RBBP8: variants seen among roughly 807,000 people sequenced by gnomAD.
RBBP8 encodes RB binding protein 8, endonuclease.
In RBBP8, 88 loss-of-function variants were observed where a neutral mutation model predicts 108.3. That is an observed-to-expected ratio of 0.81 (90% CI 0.68 to 0.97). The LOEUF (loss-of-function observed/expected upper bound fraction) is 0.97, where lower values mean the gene tolerates loss of function less well. Ranked by LOEUF, RBBP8 falls within the 50% of genes least tolerant of loss-of-function variation. RBBP8 has a pLI of 0.00. For missense variants in RBBP8, 1,023 were observed against 1,049.0 expected (o/e 0.98, Z 0.34); for synonymous variants, 332 against 348.2 (o/e 0.95, Z 0.52).
chr18:22,965,582 G>T (rs1005760454), intron 4 of RBBP8, among the ~76,000 whole-genome samples: 1 of 152,088 alleles, frequency 6.6e-6, no homozygotes, highest in Admixed American at 6.6e-5. Context: ...TTTCATTATT[G>T]TACTCCTACT....
chr18:22,933,123 G>C (rs914804666), upstream of RBBP8, among the ~76,000 whole-genome samples: 1 of 152,228 alleles, frequency 6.6e-6, no homozygotes, highest in South Asian at 2.1e-4. Flanking sequence ...AGAACGGCTT[G>C]AGCTTTCCCC....
rs1449845610 is a variant in RBBP8, at chr18:22,993,833, T to C, written c.1925T>C (p.Leu642Pro). ...TGTAGAACTGGTAAAATAAAGTCTCTACAAAACAACCAAGGTGTGTACACC... is the reference window on the plus strand; with the variant it reads ...TGTAGAACTGGTAAAATAAAGTCTCCACAAAACAACCAAGGTGTGTACACC... The part of the protein sequence containing the change: ...NPCRTGKIKS[L>P]QNNQDVSFEN... The change falls in exon 12 of 19, where the codon CTA (leucine) becomes CCA (proline). Residue 642 changes from leucine to proline, a missense_variant. Leu to Pro is a moderately conservative substitution (Grantham distance 98, BLOSUM62 -3). Transcript: ENST00000327155. 1 of 1,613,362 alleles carries C rather than the reference T, an allele frequency of 6.2e-7. No individual in the cohort carries two copies. The highest frequency in any genetic ancestry group is 1.7e-5 in the Admixed American group (1 of 60,016).
chr18:22,995,799 T>C (rs2045846488), intron 12 of RBBP8, among the ~76,000 whole-genome samples: 1 of 152,246 alleles, frequency 6.6e-6, no homozygotes, highest in South Asian at 2.1e-4. Context: ...ATTTATTAGC[T>C]GACATTCAAG....
At position 22,975,187 on chromosome 18, in the gene RBBP8, A is replaced by G; in HGVS notation, c.396A>G (p.Lys132=). 6.2e-7 allele frequency: 1 copy of G among 1,612,794 alleles called. No homozygotes were observed. Among genetic ancestry groups the G allele is most frequent in the Non-Finnish European group, 8.5e-7 (1 of 1,179,362 alleles). The change falls in exon 6 of 19, where the codon AAA becomes AAG. Residue 132 remains lysine, a synonymous_variant. Transcript: ENST00000327155. ...GGAATACTCTACAGGAAGAAAATAA[A>G]AAGCTTTCTGAACAACTCCAGCAGA... ...NERNTLQEEN[K]KLSEQLQQKI...
chr18:22,924,185 G>A (rs894424932), intron 3 of RBBP8, among the ~76,000 whole-genome samples: 3 of 137,528 alleles, frequency 2.2e-5, no homozygotes, highest in African/African-American at 8.5e-5. Context: ...CTGGAGTGCA[G>A]TGGTGCAATC....
chr18:22,947,392 T>G (rs761572930), intron 3 of RBBP8, among the ~76,000 whole-genome samples: 1 of 151,840 alleles, frequency 6.6e-6, no homozygotes, highest in Non-Finnish European at 1.5e-5. Flanking sequence ...TATATGACAT[T>G]TGATTTAAAA....
At chr18:22,941,791 T>G (rs1343522590) in intron 2 of RBBP8, among the ~76,000 whole-genome samples, 1 of 152,062 alleles carries the variant, frequency 6.6e-6, no homozygotes, top group African/African-American at 2.4e-5. Context: ...TATGATAAGG[T>G]CCATGTGTTT....
intron 9 of RBBP8, among the ~76,000 whole-genome samples, chr18:22,990,603 A>G (rs1025889668): frequency 2.1e-4 from 32 of 152,228 alleles, no homozygotes; most frequent in African/African-American, 7.7e-4. Flanking sequence ...CATTCATAAT[A>G]TTATGCAGCT....
At chr18:22,955,872 G>A (rs137872270) in intron 4 of RBBP8, among the ~76,000 whole-genome samples, 59 of 152,200 alleles carry the variant, frequency 3.9e-4, no homozygotes, top group African/African-American at 1.3e-3. Flanking sequence ...GAGCCACCGC[G>A]CCTGGCCAGG....
intron 1 of RBBP8, among the ~76,000 whole-genome samples, chr18:22,935,794 T>A (rs1252659732): frequency 1.3e-5 from 2 of 152,238 alleles, no homozygotes; most frequent in Non-Finnish European, 2.9e-5. Context: ...GTTGGTTTCT[T>A]CAAGGACTAT....
chr18:23,024,805 T>C (rs1213980223), intron 18 of RBBP8: 2 of 152,246 alleles, frequency 1.3e-5, no homozygotes, highest in Non-Finnish European at 2.9e-5. Flanking sequence ...TTTTAATTAA[T>C]TAGTAGCCTT....
rs143564699 is a variant in RBBP8, at chr18:22,960,904, AGTT to A, written c.249-7897_249-7895del. Among the ~76,000 whole-genome samples the A allele has an allele frequency of 1.5e-3, 234 of 152,334 alleles. 1 individual carries two copies. Among genetic ancestry groups the A allele is most frequent in the African/African-American group, 5.4e-3 (223 of 41,570 alleles). On this transcript the variant is annotated intron_variant, in intron 4 of 18. Transcript: ENST00000327155. ...ACGGGTATGTCTGTTCTAAAAGATG[AGTT>A]GTTGAGATACTCGTTCCTTTGTATA...
intron 16 of RBBP8, among the ~76,000 whole-genome samples, chr18:23,012,249 T>C (rs1464958018): frequency 1.4e-5 from 2 of 145,890 alleles, no homozygotes; most frequent in Non-Finnish European, 3.0e-5. Context: ...TGATGCCCTT[T>C]AAGTATACAA....
chr18:22,951,164 C>T (rs1466096718), intron 4 of RBBP8, among the ~76,000 whole-genome samples: 1 of 152,136 alleles, frequency 6.6e-6, no homozygotes, highest in African/African-American at 2.4e-5. Context: ...AATTCAGATT[C>T]CACAACAAAT....
At chr18:23,018,610 C>A (rs901311526) in intron 17 of RBBP8, among the ~76,000 whole-genome samples, 6 of 152,000 alleles carry the variant, frequency 3.9e-5, no homozygotes, top group African/African-American at 9.7e-5. Context: ...TACTTATAAT[C>A]CCTATTACAA....
intron 2 of RBBP8, chr18:22,937,254 T>C (rs1369225211): frequency 1.3e-5 from 5 of 389,698 alleles, no homozygotes; most frequent in Non-Finnish European, 2.4e-5. Context: ...TGTTCCCCTC[T>C]TTGTGTCCAT....
intron 4 of RBBP8, among the ~76,000 whole-genome samples, chr18:22,957,440 T>A (rs1412956399): frequency 6.6e-6 from 1 of 152,104 alleles, no homozygotes; most frequent in Non-Finnish European, 1.5e-5. Flanking sequence ...TGAATAAATG[T>A]CAATAAATCT....
At chr18:23,014,614 C>T (rs1293794492) in intron 16 of RBBP8, among the ~76,000 whole-genome samples, 1 of 152,068 alleles carries the variant, frequency 6.6e-6, no homozygotes, top group Non-Finnish European at 1.5e-5. Flanking sequence ...GCCTGGGCAA[C>T]AAAGCAAGAA....
Position 22,994,659 on chromosome 18 carries a change from G to GA in RBBP8, c.1939+822dup, listed in dbSNP as rs998200703. Among the ~76,000 whole-genome samples the GA allele has an allele frequency of 2.4e-4, 33 of 139,506 alleles. 1 individual carries two copies. In the South Asian group the frequency reaches 4.3e-3, roughly 18 times the overall value. The allele number at this position is 139,506 out of a possible 152,430, so 91.5% of individuals were successfully genotyped here. On this transcript the variant is annotated intron_variant, in intron 12 of 18. Coordinates refer to ENST00000327155, the MANE Select transcript of RBBP8 (RefSeq NM_002894.3). ...AAGACTCCGTCTCAAAAAAAAAAAA[G>GA]AAAAAAAAAATTGTTTGCCTTAAGA...
Sources: gnomAD v4.1 joint callset for allele counts (sites outside exome capture counted in the v4.1 genomes callset) on GRCh38, gnomAD v4.1.1 for gene constraint, MANE v1.5 for transcripts, NCBI Gene and HGNC (gene_info 2026-07-23, HGNC 2026-07-21) for gene names.